The following SRGAP2B variants were observed in gnomAD, a reference collection of about 807,000 sequenced individuals.
SRGAP2B encodes the protein SLIT-ROBO Rho GTPase-activating protein 2B.
SRGAP2B carries 9 observed loss-of-function variants against 22.2 expected under a neutral mutation model. The ratio of observed to expected loss-of-function variants is 0.41; its 90% CI spans 0.24 to 0.71. The LOEUF is 0.71. SRGAP2B is among the 30% of genes least tolerant of loss of function. The probability of loss-of-function intolerance (pLI) is 0.35; values close to 1 mark genes in which losing one functional copy is unlikely to be tolerated. For missense variants in SRGAP2B, 114 were observed against 235.8 expected (o/e 0.48, Z 3.38); for synonymous variants, 36 against 87.4 (o/e 0.41, Z 3.28).
At chr1:144,983,099 C>T (rs1570922182) in intron 3 of SRGAP2B, among the ~76,000 whole-genome samples, 1 of 148,334 alleles carries the variant, frequency 6.7e-6, no homozygotes, top group East Asian at 1.9e-4. Flanking sequence ...TGCACTGGTC[C>T]CAGGAAGTCA....
intron 2 of SRGAP2B, among the ~76,000 whole-genome samples, chr1:145,068,266 T>C (rs1467103357): frequency 6.7e-6 from 1 of 148,668 alleles, no homozygotes; most frequent in Admixed American, 6.6e-5. Context: ...TCCTCAGTCT[T>C]GTTAATAACT....
At chr1:144,991,399 G>C (rs1553617113) in intron 3 of SRGAP2B, among the ~76,000 whole-genome samples, 1 of 145,800 alleles carries the variant, frequency 6.9e-6, no homozygotes. Flanking sequence ...TAGCTGCTCT[G>C]GTGAGGACAT....
chr1:144,963,039 C>A (rs1276663015), intron 3 of SRGAP2B, among the ~76,000 whole-genome samples: 6 of 150,910 alleles, frequency 4.0e-5, no homozygotes, highest in Non-Finnish European at 5.9e-5. Context: ...GAACCCACTG[C>A]AAAACCCTGA....
intron 3 of SRGAP2B, among the ~76,000 whole-genome samples, chr1:144,983,028 T>G (rs1312572923): frequency 8.7e-5 from 13 of 149,608 alleles, no homozygotes; most frequent in Admixed American, 6.6e-4. Flanking sequence ...ATGCTACATC[T>G]GGGCAAAATC....
intron 2 of SRGAP2B, among the ~76,000 whole-genome samples, chr1:145,080,270 G>A (rs1652806897): frequency 6.7e-6 from 1 of 148,222 alleles, no homozygotes; most frequent in Non-Finnish European, 1.5e-5. Flanking sequence ...TCACCTGTAG[G>A]CCCATCAAGT....
At chr1:144,970,089 CGATTCCTCAGGGATCTAGAACTA>C (rs1310358037) in intron 3 of SRGAP2B, among the ~76,000 whole-genome samples, 1 of 148,118 alleles carries the variant, frequency 6.8e-6, no homozygotes, top group Non-Finnish European at 1.5e-5. Flanking sequence ...GTCAGTGTGG[CGATTCCTCAGGGATCTAGAACTA>C]GAAATACCAT....
intron 3 of SRGAP2B, among the ~76,000 whole-genome samples, chr1:144,974,047 TG>T (rs1425216350): frequency 1.3e-5 from 2 of 151,028 alleles, no homozygotes; most frequent in Non-Finnish European, 2.9e-5. Flanking sequence ...TAGTCCTAGA[TG>T]GAAGATTTTA....
intron 2 of SRGAP2B, among the ~76,000 whole-genome samples, chr1:145,080,930 A>G (rs1652872919): frequency 6.7e-6 from 1 of 149,132 alleles, no homozygotes; most frequent in Non-Finnish European, 1.5e-5. Flanking sequence ...CTAATGTTTA[A>G]CCCCTAGTAT....
intron 2 of SRGAP2B, among the ~76,000 whole-genome samples, chr1:145,047,066 C>T (rs1649868375): frequency 7.0e-6 from 1 of 143,872 alleles, no homozygotes; most frequent in Non-Finnish European, 1.5e-5. Context: ...GTCCCAGCTA[C>T]TTAGGAGGCT....
At chr1:145,009,410 AACCCCGTCTCT>A (rs1291181790) in intron 2 of SRGAP2B, among the ~76,000 whole-genome samples, 12 of 147,982 alleles carry the variant, frequency 8.1e-5, no homozygotes, top group African/African-American at 3.1e-4. Context: ...AAAACGGTGA[AACCCCGTCTCT>A]ACTAAAAATA....
rs1553610072 is a variant in SRGAP2B at position 144,955,424 on chromosome 1, G to A, written c.423+15C>T. ...TGCTCCACCCAAGAACCTCTGTGAA[G>A]AAATATCTCTGTACCTTTTTAAAGA... On this transcript the variant is annotated intron_variant, in intron 4 of 9. Transcript: ENST00000612199. The A allele has an allele frequency of 6.2e-7, 1 of 1,601,134 alleles. No homozygotes were observed. The highest frequency in any genetic ancestry group is 8.5e-7 in the Non-Finnish European group (1 of 1,173,514).
intron 5 of SRGAP2B, among the ~76,000 whole-genome samples, chr1:144,909,548 C>T (rs1158115469): frequency 2.1e-5 from 3 of 145,580 alleles, no homozygotes; most frequent in African/African-American, 8.0e-5. Flanking sequence ...GATCACGCCA[C>T]TGCACTCCAG....
chr1:144,941,512 A>G (rs1160810605), intron 4 of SRGAP2B, among the ~76,000 whole-genome samples: 2 of 150,352 alleles, frequency 1.3e-5, no homozygotes, highest in Admixed American at 1.3e-4. Flanking sequence ...AAAAAGAAAA[A>G]GAAAACAAAA....
At chr1:144,942,945 AG>A (rs1457697739) in intron 4 of SRGAP2B, among the ~76,000 whole-genome samples, 2 of 131,188 alleles carry the variant, frequency 1.5e-5, no homozygotes, top group African/African-American at 5.9e-5. Context: ...CCTATTCTAG[AG>A]GGTGCCAATA....
chr1:145,006,885 A>C (rs1671633978), intron 2 of SRGAP2B, among the ~76,000 whole-genome samples: 1 of 150,818 alleles, frequency 6.6e-6, no homozygotes, highest in African/African-American at 2.5e-5. Flanking sequence ...GTTCACAGCA[A>C]AGCTGAGTGA....
At chr1:144,994,517 C>T (rs1400316554) in intron 3 of SRGAP2B, among the ~76,000 whole-genome samples, 1 of 139,622 alleles carries the variant, frequency 7.2e-6, no homozygotes, top group Non-Finnish European at 1.5e-5. Context: ...AGCCCAATTC[C>T]AGCTCTACTA....
At position 145,017,767 on chromosome 1, in the gene SRGAP2B, G is replaced by A. The variant is rs1329278533; in HGVS notation, c.68-22567C>T. Among the ~76,000 whole-genome samples, 13 of 149,436 alleles carry A rather than the reference G, an allele frequency of 8.7e-5. 1 individual carries two copies. Among genetic ancestry groups the A allele is most frequent in the Admixed American group, 6.7e-4 (10 of 15,030 alleles). Reference sequence around the variant, plus strand: ...AATGGAAATGAGTTGTGCTTTCCCTGTCTTTAACAATGAATCTTTGGCGGA... The same window carrying A: ...AATGGAAATGAGTTGTGCTTTCCCTATCTTTAACAATGAATCTTTGGCGGA... On this transcript the variant is annotated intron_variant, in intron 2 of 9. Transcript: ENST00000612199.
Position 145,009,452 on chromosome 1 carries a change from G to C in SRGAP2B, c.68-14252C>G, listed in dbSNP as rs1671876575. On this transcript the variant is annotated intron_variant, in intron 2 of 9. Transcript: ENST00000612199. ...AAATACAAAAAATTAGCCGGGCGTA[G>C]TGGCGGGCGCCTGTAGTCCCAGCTA... 1.4e-5 allele frequency among the ~76,000 whole-genome samples: 2 copies of C among 147,194 alleles called. 1 individual carries two copies. Among genetic ancestry groups the C allele is most frequent in the Admixed American group, 1.3e-4 (2 of 14,938 alleles).
intron 5 of SRGAP2B, among the ~76,000 whole-genome samples, chr1:144,908,220 G>T (rs1456481462): frequency 7.8e-4 from 116 of 148,096 alleles, no homozygotes; most frequent in Middle Eastern, 3.5e-3. Flanking sequence ...TTTTCTTTTT[G>T]AAAGTGATTT....
Sources: allele counts gnomAD v4.1 joint callset (sites outside exome capture counted in the v4.1 genomes callset), GRCh38; gene constraint gnomAD v4.1.1; transcripts MANE v1.5; gene names NCBI Gene and HGNC (gene_info 2026-07-23, HGNC 2026-07-21).